MACROD2: variants seen among roughly 807,000 people sequenced by gnomAD.
MACROD2 encodes mono-ADP ribosylhydrolase 2, also known as ADP-ribose glycohydrolase MACROD2.
MACROD2 carries 36 observed loss-of-function variants against 70.4 expected under a neutral mutation model. The ratio of observed to expected loss-of-function variants is 0.51; its 90% confidence interval spans 0.39 to 0.68. The LOEUF is 0.68. Among genes scored for constraint, MACROD2 ranks in the 30% least tolerant of loss-of-function variants. MACROD2 has a pLI of 0.00. For missense variants in MACROD2, 496 were observed against 538.4 expected (o/e 0.92, Z 0.78); for synonymous variants, 172 against 178.8 (o/e 0.96, Z 0.30).
intron 2 of MACROD2, among the ~76,000 whole-genome samples, chr20:14,009,343 C>T (rs549742984): frequency 7.9e-5 from 12 of 152,282 alleles, no homozygotes; most frequent in African/African-American, 2.9e-4. Context: ...ATGTGGCCAA[C>T]AAACATATGA....
intron 5 of MACROD2, among the ~76,000 whole-genome samples, chr20:14,803,726 C>T (rs757302354): frequency 6.6e-6 from 1 of 152,002 alleles, no homozygotes; most frequent in Non-Finnish European, 1.5e-5. Context: ...GGCGATTCAC[C>T]CACCTTGGCC....
intron 7 of MACROD2, among the ~76,000 whole-genome samples, chr20:15,448,759 A>G (rs1333845962): frequency 6.6e-6 from 1 of 152,184 alleles, no homozygotes; most frequent in Non-Finnish European, 1.5e-5. Flanking sequence ...AATATGAACA[A>G]CATGTAAGTT....
chr20:15,258,857 C>G (rs1276000050), intron 6 of MACROD2, among the ~76,000 whole-genome samples: 1 of 151,916 alleles, frequency 6.6e-6, no homozygotes, highest in Non-Finnish European at 1.5e-5. Flanking sequence ...GTTTGCAGAG[C>G]TAGATATTCA....
At chr20:14,647,733 C>G (rs1055735319) in intron 4 of MACROD2, among the ~76,000 whole-genome samples, 1 of 152,238 alleles carries the variant, frequency 6.6e-6, no homozygotes. Flanking sequence ...ATTCCTGTCA[C>G]TCTTGACTGA....
chr20:15,160,731 A>T lies in MACROD2; in HGVS notation c.419-69209A>T, dbSNP rs373048300. Among the ~76,000 whole-genome samples, 10 of 152,232 alleles carry T rather than the reference A, an allele frequency of 6.6e-5. No homozygotes were observed. In the East Asian group the frequency reaches 1.5e-3, roughly 24 times the overall value. Reference sequence around the variant, plus strand: ...CTTAACCCATTATATCCCTTGATCTAATAGTATTTTTTAAATATGTATTTG... The same window carrying T: ...CTTAACCCATTATATCCCTTGATCTTATAGTATTTTTTAAATATGTATTTG... On this transcript the variant is annotated intron_variant, in intron 5 of 17. Coordinates refer to ENST00000684519, the MANE Select transcript of MACROD2 (RefSeq NM_001351661.2).
In MACROD2 at chr20:15,642,188, T is replaced by C. The variant is rs116098003; in HGVS notation, c.645+142341T>C. 5.4e-3 allele frequency among the ~76,000 whole-genome samples: 818 copies of C among 152,334 alleles called. 10 individuals are homozygous for C. The highest frequency in any genetic ancestry group is 0.018 in the African/African-American group (764 of 41,566). ...TGTGAGCCACAAAATAATAGAAGTTTTGAAATCAGTGTAGCTCATTTCTAG... is the reference window on the plus strand; with the variant it reads ...TGTGAGCCACAAAATAATAGAAGTTCTGAAATCAGTGTAGCTCATTTCTAG... On this transcript the variant is annotated intron_variant, in intron 8 of 17. Coordinates refer to ENST00000684519, the MANE Select transcript of MACROD2 (RefSeq NM_001351661.2).
At chr20:14,324,785 A>G (rs1236096888) in intron 3 of MACROD2, 2 of 152,140 alleles carry the variant, frequency 1.3e-5, no homozygotes, top group Non-Finnish European at 2.9e-5. Context: ...TCCTAAGTAC[A>G]CATTTTCCCC....
rs191115241 is a variant in MACROD2, at chr20:15,562,138, A to T, written c.645+62291A>T. On this transcript the variant is annotated intron_variant, in intron 8 of 17. Coordinates refer to ENST00000684519, the MANE Select transcript of MACROD2 (RefSeq NM_001351661.2). The stretch of plus-strand genomic sequence containing the variant: ...TTTAACATTTAAGTCTCATATTTCC[A>T]TACTTATTTCTATTGGGACTGCTGC... Among the ~76,000 whole-genome samples, 168 of 152,196 alleles carry T rather than the reference A, an allele frequency of 1.1e-3. 2 individuals carry two copies. The highest frequency in any genetic ancestry group is 8.0e-3 in the Admixed American group (123 of 15,288).
chr20:15,071,065 G>C (rs569478195), intron 5 of MACROD2, among the ~76,000 whole-genome samples: 1 of 152,192 alleles, frequency 6.6e-6, no homozygotes, highest in East Asian at 1.9e-4. Context: ...ATGGGCTTTG[G>C]CTCTATTTTG....
intron 8 of MACROD2, among the ~76,000 whole-genome samples, chr20:15,621,220 T>G (rs1457757673): frequency 6.6e-6 from 1 of 152,212 alleles, no homozygotes; most frequent in African/African-American, 2.4e-5. Flanking sequence ...GTCATGTGCA[T>G]TTGTTCATTC....
At chr20:15,117,496 G>C (rs1353356882) in intron 5 of MACROD2, among the ~76,000 whole-genome samples, 1 of 151,442 alleles carries the variant, frequency 6.6e-6, no homozygotes, top group Non-Finnish European at 1.5e-5. Context: ...ATGAATCTTA[G>C]AGCTCAGGAA....
At chr20:14,012,290 C>T (rs1237271170) in intron 2 of MACROD2, among the ~76,000 whole-genome samples, 1 of 152,224 alleles carries the variant, frequency 6.6e-6, no homozygotes, top group Non-Finnish European at 1.5e-5. Flanking sequence ...TTTAGATCCT[C>T]ATCTTCCTTA....
At chr20:14,706,308 A>G (rs952376972) in intron 5 of MACROD2, among the ~76,000 whole-genome samples, 113 of 147,556 alleles carry the variant, frequency 7.7e-4, no homozygotes, top group African/African-American at 2.6e-3. Flanking sequence ...GCAAGATTCT[A>G]TATTAAAAAA....
chr20:15,967,410 G>T, intron 12 of MACROD2, 143 bp from the exon 13 acceptor site: 2 of 607,698 alleles, frequency 3.3e-6, no homozygotes, highest in Non-Finnish European at 5.3e-6. Context: ...CTATTTATTG[G>T]CAAACATATG....
At chr20:14,359,357 C>T (rs2083201417) in intron 3 of MACROD2, among the ~76,000 whole-genome samples, 1 of 152,070 alleles carries the variant, frequency 6.6e-6, no homozygotes, top group African/African-American at 2.4e-5. Context: ...AACTCATGCA[C>T]ATTTTTGGTG....
chr20:15,590,281 A>G (rs1470874617), intron 8 of MACROD2, among the ~76,000 whole-genome samples: 1 of 152,178 alleles, frequency 6.6e-6, no homozygotes, highest in African/African-American at 2.4e-5. Flanking sequence ...AATCTTCATA[A>G]AAATTTGTGA....
chr20:15,979,298 G>A (rs6131755), intron 13 of MACROD2, among the ~76,000 whole-genome samples: 21,352 of 152,120 alleles, frequency 0.14, 1,887 homozygotes, highest in East Asian at 0.21. Context: ...GGTTTATTAG[G>A]AGCAAAAGAG....
chr20:14,395,103 C>T lies in MACROD2; in HGVS notation c.272-98376C>T, dbSNP rs539821903. Among the ~76,000 whole-genome samples, 7 of 152,062 alleles carry T rather than the reference C, an allele frequency of 4.6e-5. No homozygotes were observed. In the East Asian group the frequency reaches 1.2e-3, roughly 25 times the overall value. On this transcript the variant is annotated intron_variant, in intron 3 of 17. Coordinates refer to ENST00000684519, the MANE Select transcript of MACROD2 (RefSeq NM_001351661.2). ...AGAGCAATGTTGATCTCATAGGATA[C>T]GTCAGGAAGTGTTCCCTCATCTTCA...
intron 8 of MACROD2, among the ~76,000 whole-genome samples, chr20:15,598,558 A>AG (rs890156151): frequency 6.6e-6 from 1 of 152,224 alleles, no homozygotes; most frequent in African/African-American, 2.4e-5. Flanking sequence ...AAGACCTGGA[A>AG]GGTGAGATCC....
Sources: allele counts gnomAD v4.1 joint callset (sites outside exome capture counted in the v4.1 genomes callset), GRCh38; gene constraint gnomAD v4.1.1; transcripts MANE v1.5; gene names NCBI Gene and HGNC (gene_info 2026-07-23, HGNC 2026-07-21).